The following KIF18A variants were observed in gnomAD, a reference collection of about 807,000 sequenced individuals.
KIF18A encodes the protein kinesin family member 18A.
Under a neutral mutation model 103.3 loss-of-function variants are expected in KIF18A, and 67 were observed. That is an observed-to-expected ratio of 0.65 (90% CI 0.53 to 0.79). KIF18A has a LOEUF of 0.79. Among genes scored for constraint, KIF18A ranks in the 30% least tolerant of loss-of-function variants. The probability of loss-of-function intolerance (pLI) is 0.00; values close to 1 mark genes in which losing one functional copy is unlikely to be tolerated. For synonymous variants in KIF18A, 367 were observed against 355.5 expected, an observed-to-expected ratio of 1.03 and a Z score of -0.36; for missense variants, 1,032 against 1,062.5, an observed-to-expected ratio of 0.97 and a Z score of 0.40.
At chr11:28,054,524 C>A (rs900798977) in intron 13 of KIF18A, among the ~76,000 whole-genome samples, 12 of 152,290 alleles carry the variant, frequency 7.9e-5, no homozygotes, top group Non-Finnish European at 1.6e-4. Context: ...TTCTTAAAAG[C>A]ACTGCATGTG....
intron 12 of KIF18A, among the ~76,000 whole-genome samples, chr11:28,059,407 T>C (rs1850829797): frequency 6.6e-6 from 1 of 152,058 alleles, no homozygotes; most frequent in South Asian, 2.1e-4. Flanking sequence ...AGGAGATTGC[T>C]TTGAGGGCTA....
chr11:28,062,696 A>T (rs1241780238), intron 11 of KIF18A, among the ~76,000 whole-genome samples, 180 bp from the exon 12 acceptor site: 1 of 152,102 alleles, frequency 6.6e-6, no homozygotes, highest in South Asian at 2.1e-4. Context: ...TACAAGCAAG[A>T]TAAGTTTTCA....
intron 15 of KIF18A, among the ~76,000 whole-genome samples, chr11:28,029,216 G>A (rs1258700967): frequency 6.6e-6 from 1 of 152,054 alleles, no homozygotes; most frequent in Non-Finnish European, 1.5e-5. Context: ...GCCTGGCAGA[G>A]ACACAACAAA....
At chr11:28,086,007 T>G (rs569951260) in intron 6 of KIF18A, among the ~76,000 whole-genome samples, 1 of 152,098 alleles carries the variant, frequency 6.6e-6, no homozygotes, top group South Asian at 2.1e-4. Context: ...TGAACTTTAG[T>G]TCAAAATAAA....
In KIF18A at chr11:28,097,899, G is replaced by T; in HGVS notation, c.49C>A (p.Arg17Ser). 6.2e-7 allele frequency: 1 copy of T among 1,604,818 alleles called. No individual in the cohort carries two copies. Among genetic ancestry groups the T allele is most frequent in the South Asian group, 1.1e-5 (1 of 88,522 alleles). Reference protein sequence around the residue: ...DLCHHMKVVVRVRPENTKEKA... With the variant: ...DLCHHMKVVVSVRPENTKEKA... ...TCTTTAGTGTTTTCCGGACGTACAC[G>T]AACTACTACTTTCATATGGTGGCAC... is the stretch of plus-strand genomic sequence containing the variant. Residue 17 changes from arginine to serine, a missense_variant, in exon 2 of 17, where the codon CGT becomes AGT. By Grantham distance (110) the Arg-to-Ser change is moderately radical. Transcript: ENST00000263181.
chr11:28,033,183 C>CT (rs1436929504), intron 15 of KIF18A, among the ~76,000 whole-genome samples: 4 of 151,560 alleles, frequency 2.6e-5, no homozygotes, highest in Admixed American at 1.3e-4. Flanking sequence ...GTTAAAATGG[C>CT]TTTTTTTCCA....
At chr11:28,080,686 G>A (rs932826682) in intron 9 of KIF18A, among the ~76,000 whole-genome samples, 2 of 152,044 alleles carry the variant, frequency 1.3e-5, no homozygotes. Flanking sequence ...TTGAAATCGG[G>A]CAAATTAATA....
At chr11:28,032,353 A>C (rs142381485) in intron 15 of KIF18A, among the ~76,000 whole-genome samples, 2,367 of 152,038 alleles carry the variant, frequency 0.016, 61 homozygotes, top group African/African-American at 0.054. Flanking sequence ...TCTTCATAGA[A>C]ATAGAAAAAA....
At chr11:28,090,825 GAA>G in intron 4 of KIF18A, 98 bp from the exon 5 acceptor site, 1 of 653,674 alleles carries the variant, frequency 1.5e-6, no homozygotes, top group Non-Finnish European at 2.7e-6. Context: ...AAAGGTAAAA[GAA>G]AATGTTTTCT....
At chr11:28,047,592 T>G (rs1850653976) in intron 13 of KIF18A, among the ~76,000 whole-genome samples, 1 of 152,170 alleles carries the variant, frequency 6.6e-6, no homozygotes, top group Non-Finnish European at 1.5e-5. Flanking sequence ...AAAATGACAT[T>G]CTCAAAGTCA....
In KIF18A at chr11:28,090,703, G is replaced by A. The variant is rs758455867; in HGVS notation, c.613C>T (p.His205Tyr). Reference protein sequence around the residue: ...HQPKSSEEILHLLDNGNKNRT... With the variant: ...HQPKSSEEILYLLDNGNKNRT... ...TTTTTGTTTCCATTATCCAATAAAT[G>A]TAAAATTTCTTCTGAGGATTTGGGC... Residue 205 changes from histidine (H) to tyrosine (Y), a missense_variant, in exon 5 of 17, where the codon CAT becomes TAT. Physicochemically the swap from His to Tyr is moderately conservative, Grantham distance 83 (BLOSUM62 2). Coordinates refer to ENST00000263181, the MANE Select transcript of KIF18A (RefSeq NM_031217.4). 34 of 1,603,756 alleles carry A rather than the reference G, an allele frequency of 2.1e-5. No homozygotes were observed. Among genetic ancestry groups the A allele is most frequent in the Non-Finnish European group, 2.6e-5 (30 of 1,172,116 alleles).
chr11:28,044,248 T>C (rs1850599900), intron 13 of KIF18A, among the ~76,000 whole-genome samples: 2 of 151,994 alleles, frequency 1.3e-5, no homozygotes, highest in Non-Finnish European at 2.9e-5. Context: ...TAATAATAAA[T>C]ATATGCTGAT....
chr11:28,079,536 T>C (rs1851136366), intron 9 of KIF18A, among the ~76,000 whole-genome samples: 1 of 152,158 alleles, frequency 6.6e-6, no homozygotes, highest in Non-Finnish European at 1.5e-5. Flanking sequence ...GTTTTCCTTA[T>C]AGATACTGAG....
Position 28,091,408 on chromosome 11 carries a change from C to G in KIF18A, c.588+1G>C. 1 of 1,525,624 alleles carries G rather than the reference C, an allele frequency of 6.6e-7. No homozygotes were observed. The highest frequency in any genetic ancestry group is 9.1e-7 in the Non-Finnish European group (1 of 1,102,232). 94.5% of individuals were successfully genotyped at this position (1,525,624 alleles called of 1,614,324 possible). A position where few individuals can be genotyped will look rare whatever the true frequency, so the allele number is the denominator to read the frequency against. On this transcript the variant is annotated splice_donor_variant, in intron 4 of 16. Transcript: ENST00000263181. LOFTEE classifies it high-confidence loss of function. ...AGGGAAAAAGATGTTTATATACATA[C>G]CTGGTGTAAAGTAAGTCCATGAACG...
At chr11:28,082,708 G>A in intron 9 of KIF18A, 148 bp downstream of exon 9, 1 of 507,250 alleles carries the variant, frequency 2.0e-6, no homozygotes, top group African/African-American at 2.0e-5. Flanking sequence ...TGTTATGTAT[G>A]TATGTATGTA....
At position 28,036,537 on chromosome 11, in the gene KIF18A, G is replaced by C. The variant is rs144753657; in HGVS notation, c.2076C>G (p.Leu692=). The C allele has an allele frequency of 1.2e-6, 2 of 1,611,166 alleles. No individual in the cohort carries two copies. The highest frequency in any genetic ancestry group is 3.4e-5 in the Admixed American group (2 of 59,672). ...LKSPPSQSVQ[L]NDSLSKELQP... is the part of the protein sequence containing the mutation. ...GAAGTTCTTTGCTAAGAGAATCATTGAGCTGCACACTTTGAGATGGTGGAG... is the reference window on the plus strand; with the variant it reads ...GAAGTTCTTTGCTAAGAGAATCATTCAGCTGCACACTTTGAGATGGTGGAG... The change falls in exon 14 of 17, where the codon CTC becomes CTG. Residue 692 remains leucine, a synonymous_variant. Coordinates refer to ENST00000263181, the MANE Select transcript of KIF18A (RefSeq NM_031217.4).
At chr11:28,096,692 T>A (rs921713695) in intron 2 of KIF18A, among the ~76,000 whole-genome samples, 6 of 152,328 alleles carry the variant, frequency 3.9e-5, no homozygotes, top group Admixed American at 1.3e-4. Context: ...CAAGAGGGTA[T>A]GTCTTCCATG....
At chr11:28,101,668 CTATTAT>C (rs1446156947) in intron 1 of KIF18A, among the ~76,000 whole-genome samples, 1 of 152,028 alleles carries the variant, frequency 6.6e-6, no homozygotes, top group Non-Finnish European at 1.5e-5. Context: ...CAAGTGTTTG[CTATTAT>C]TATTTACAGT....
At chr11:28,024,433 T>C (rs1405651635) in intron 15 of KIF18A, among the ~76,000 whole-genome samples, 1 of 152,092 alleles carries the variant, frequency 6.6e-6, no homozygotes, top group African/African-American at 2.4e-5. Flanking sequence ...ACTTTCTTAC[T>C]CAATTTGAGT....
Sources: allele counts gnomAD v4.1 joint callset (sites outside exome capture counted in the v4.1 genomes callset), GRCh38; gene constraint gnomAD v4.1.1; transcripts MANE v1.5; gene names NCBI Gene and HGNC (gene_info 2026-07-23, HGNC 2026-07-21).